The following RBFOX1 variants were observed in gnomAD, a reference collection of about 807,000 sequenced individuals.
The protein encoded by RBFOX1 is RNA binding protein fox-1 homolog 1.
RBFOX1 carries 8 observed loss-of-function variants against 57.7 expected under a neutral mutation model. The observed-to-expected ratio is 0.14, with a 90% confidence interval of 0.08 to 0.25. The LOEUF (loss-of-function observed/expected upper bound fraction) is 0.25. RBFOX1 is among the 10% of genes least tolerant of loss of function. The probability of loss-of-function intolerance (pLI) is 1.00; values close to 1 mark genes in which losing one functional copy is unlikely to be tolerated. For synonymous variants in RBFOX1, 326 were observed against 222.4 expected, an observed-to-expected ratio of 1.47 and a Z score of -4.15; for missense variants, 611 against 548.5, an observed-to-expected ratio of 1.11 and a Z score of -1.14.
chr16:6,042,722 C>T (rs557633906), intron 1 of RBFOX1, among the ~76,000 whole-genome samples: 4 of 152,008 alleles, frequency 2.6e-5, no homozygotes, highest in African/African-American at 7.2e-5. Flanking sequence ...TGGTTTTGTA[C>T]GTTTTAGGGA....
intron 14 of RBFOX1, among the ~76,000 whole-genome samples, chr16:7,701,167 G>C (rs1360678358): frequency 1.4e-5 from 2 of 146,798 alleles, no homozygotes; most frequent in South Asian, 2.1e-4. Context: ...AACTCAAACA[G>C]AGCCAAGTAG....
At chr16:6,441,836 C>A (rs1010784948) in intron 2 of RBFOX1, among the ~76,000 whole-genome samples, 13 of 152,186 alleles carry the variant, frequency 8.5e-5, no homozygotes, top group African/African-American at 3.1e-4. Context: ...TCTGTCTCAT[C>A]CCAAGTCTGG....
intron 1 of RBFOX1, among the ~76,000 whole-genome samples, chr16:6,221,862 T>TTTGTA (rs2097375620): frequency 6.6e-6 from 1 of 152,186 alleles, no homozygotes; most frequent in Admixed American, 6.5e-5. Context: ...TTTTCTCCAT[T>TTTGTA]TTGTACCATC....
At chr16:6,718,766 G>T (rs1347501245) in intron 3 of RBFOX1, among the ~76,000 whole-genome samples, 1 of 152,188 alleles carries the variant, frequency 6.6e-6, no homozygotes, top group Admixed American at 6.5e-5. Flanking sequence ...TCCCAAATGA[G>T]TTAAACTCAC....
chr16:5,852,094 G>T (rs538459369), intron 3 of RBFOX1, among the ~76,000 whole-genome samples: 1 of 152,340 alleles, frequency 6.6e-6, no homozygotes, highest in African/African-American at 2.4e-5. Context: ...AGAACAGCCT[G>T]CAGAGTGATC....
intron 3 of RBFOX1, among the ~76,000 whole-genome samples, chr16:6,965,811 T>C (rs533154233): frequency 6.6e-6 from 1 of 152,152 alleles, no homozygotes; most frequent in Non-Finnish European, 1.5e-5. Flanking sequence ...TAGTCAGTCT[T>C]TTAATCTGTA....
In RBFOX1 at chr16:5,947,371, T is replaced by G. The variant is rs904919208; in HGVS notation, c.351+80036T>G. 1.3e-5 allele frequency among the ~76,000 whole-genome samples: 2 copies of G among 152,174 alleles called. No homozygotes were observed. Among genetic ancestry groups the G allele is most frequent in the Admixed American group, 6.5e-5 (1 of 15,284 alleles). ...TGTTCTACATTGCAATGACAGATTTTTGTTCTGTTTTGTTTTCAGACAGGG... is the reference window on the plus strand; with the variant it reads ...TGTTCTACATTGCAATGACAGATTTGTGTTCTGTTTTGTTTTCAGACAGGG... On this transcript the variant is annotated intron_variant, in intron 4 of 19. Coordinates refer to the RBFOX1 transcript ENST00000641259. The surrounding 1 kb of genome is among the most constrained non-coding windows in gnomAD (Gnocchi z 7.2).
chr16:6,264,430 G>A (rs142790359), intron 1 of RBFOX1, among the ~76,000 whole-genome samples: 97 of 152,262 alleles, frequency 6.4e-4, no homozygotes, highest in Admixed American at 2.0e-3. Context: ...TTGGAAACCC[G>A]TCAAATAGTC....
chr16:6,987,645 A>T (rs1325329354), intron 3 of RBFOX1, among the ~76,000 whole-genome samples: 1 of 152,180 alleles, frequency 6.6e-6, no homozygotes, highest in Non-Finnish European at 1.5e-5. Flanking sequence ...ATAGCTCATG[A>T]CTGGGGCCTC....
intron 4 of RBFOX1, among the ~76,000 whole-genome samples, chr16:7,489,393 T>C (rs2066314183): frequency 6.6e-6 from 1 of 152,244 alleles, no homozygotes. Context: ...CAGGTCCTAA[T>C]GCCAAGTACT....
chr16:6,575,041 TAAAAAAA>T (rs60159843), intron 2 of RBFOX1, among the ~76,000 whole-genome samples: 50,495 of 142,204 alleles, frequency 0.36, 9,870 homozygotes, highest in Middle Eastern at 0.5. Context: ...CCGTCTCAAT[TAAAAAAA>T]AAAAAAAAAA....
chr16:7,616,381 T>C (rs1455846619), intron 10 of RBFOX1, among the ~76,000 whole-genome samples: 1 of 152,198 alleles, frequency 6.6e-6, no homozygotes, highest in Non-Finnish European at 1.5e-5. Flanking sequence ...TGAGCCTTAG[T>C]GTCCAGCGTT....
At chr16:6,886,615 C>T (rs769705470) in intron 3 of RBFOX1, among the ~76,000 whole-genome samples, 8 of 151,708 alleles carry the variant, frequency 5.3e-5, no homozygotes, top group East Asian at 2.0e-4. Context: ...ATTAGCTGGG[C>T]GTGGTGGTGC....
intron 10 of RBFOX1, among the ~76,000 whole-genome samples, chr16:7,619,871 T>C (rs527479054): frequency 6.6e-6 from 1 of 152,282 alleles, no homozygotes; most frequent in Admixed American, 6.5e-5. Flanking sequence ...GTCTCAATTA[T>C]AGCAAGTAGT....
intron 3 of RBFOX1, among the ~76,000 whole-genome samples, chr16:5,619,911 T>A (rs1351815748): frequency 6.6e-6 from 1 of 151,942 alleles, no homozygotes; most frequent in African/African-American, 2.4e-5. Flanking sequence ...GCTGACTTTC[T>A]ACAGCCATTA....
In RBFOX1 at chr16:6,982,712, G is replaced by T. The variant is rs892464756; in HGVS notation, c.-15-69345G>T. 1.2e-4 allele frequency among the ~76,000 whole-genome samples: 19 copies of T among 152,246 alleles called. No homozygotes were observed. In the East Asian group the frequency reaches 3.5e-3, roughly 28 times the overall value. On this transcript the variant is annotated intron_variant, in intron 3 of 15. Transcript: ENST00000550418. Reference sequence around the variant, plus strand: ...TCTCATTTTGAAAGATGTGGAACTGGCCAGGTGCAGTGGCTCATGCCTGTA... The same window carrying T: ...TCTCATTTTGAAAGATGTGGAACTGTCCAGGTGCAGTGGCTCATGCCTGTA...
rs550334073 is a variant in RBFOX1, at chr16:5,378,128, CAG to C, written c.220-89084_220-89083del. On this transcript the variant is annotated intron_variant, in intron 1 of 2. Transcript: ENST00000585867. Reference sequence around the variant, plus strand: ...GGGGAATAAAAGGCAAATAAGTAGACAGAGATATGGAGCCTGCAGTTGTTGAA... The same window carrying C: ...GGGGAATAAAAGGCAAATAAGTAGACAGATATGGAGCCTGCAGTTGTTGAA... 3.4e-3 allele frequency among the ~76,000 whole-genome samples: 509 copies of C among 151,650 alleles called. 6 individuals carry two copies. Among genetic ancestry groups the C allele is most frequent in the Non-Finnish European group, 4.5e-3 (307 of 68,024 alleles).
chr16:7,566,084 T>C lies in RBFOX1; in HGVS notation c.271-13693T>C, dbSNP rs187663233. ...AGTGTTTATCCACGGGACGCTCATA[T>C]TCTAGGAAGCATTTGATATGGTGTT... On this transcript the variant is annotated intron_variant, in intron 5 of 15. Transcript: ENST00000550418. 3.3e-3 allele frequency among the ~76,000 whole-genome samples: 505 copies of C among 152,298 alleles called. 12 individuals are homozygous for C. Among genetic ancestry groups the C allele is most frequent in the Non-Finnish European group, 8.7e-4 (59 of 68,022 alleles).
chr16:7,415,215 G>C (rs965041045), intron 4 of RBFOX1, among the ~76,000 whole-genome samples: 1 of 152,212 alleles, frequency 6.6e-6, no homozygotes, highest in South Asian at 2.1e-4. Flanking sequence ...CCCAGAGGCA[G>C]GAACTGAGTG....
Sources: gnomAD v4.1 joint callset for allele counts (sites outside exome capture counted in the v4.1 genomes callset) on GRCh38, gnomAD v4.1.1 for gene constraint, Gnocchi (gnomAD v3.1) non-coding constraint, MANE v1.5 for transcripts, NCBI Gene and HGNC (gene_info 2026-07-23, HGNC 2026-07-21) for gene names.